The following ASMTL variants were observed in gnomAD, a reference collection of about 807,000 sequenced individuals.
ASMTL encodes the protein probable bifunctional dTTP/UTP pyrophosphatase/methyltransferase protein.
A neutral mutation model predicts 60.3 loss-of-function variants in ASMTL; 57 were observed. That is an observed-to-expected ratio of 0.95 (90% confidence interval 0.76 to 1.18). ASMTL has a LOEUF of 1.18. Ranked by LOEUF, ASMTL falls within the 50% of genes most tolerant of loss-of-function variation. The pLI is 0.00. For synonymous variants in ASMTL, 419 were observed against 373.0 expected, an observed-to-expected ratio of 1.12 and a Z score of -1.42; for missense variants, 981 against 852.6, an observed-to-expected ratio of 1.15 and a Z score of -1.88.
At chrX:1,433,361 G>A (rs1469367423) in intron 5 of ASMTL, among the ~76,000 whole-genome samples, 2 of 151,440 alleles carry the variant, frequency 1.3e-5, no homozygotes, top group Non-Finnish European at 2.9e-5. Flanking sequence ...CGTTAATCCT[G>A]GCCTTTTAAG....
At chrX:1,443,161 C>CCACCAT (rs1207531881) in intron 1 of ASMTL, among the ~76,000 whole-genome samples, 2 of 151,736 alleles carry the variant, frequency 1.3e-5, no homozygotes, top group South Asian at 2.1e-4. Context: ...TGGACACACA[C>CCACCAT]CGCCATCGTG....
chrX:1,439,499 G>A (rs757540604), intron 2 of ASMTL, among the ~76,000 whole-genome samples: 1 of 152,304 alleles, frequency 6.6e-6, no homozygotes, highest in African/African-American at 2.4e-5. Context: ...ACCTCCCTGA[G>A]TTACCCAGAA....
intron 1 of ASMTL, among the ~76,000 whole-genome samples, chrX:1,443,107 T>TCGTCGTGGACACACACTGC (rs1569534692): frequency 3.0e-5 from 2 of 67,164 alleles, no homozygotes; most frequent in East Asian, 7.8e-4. Context: ...ACACACACCG[T>TCGTCGTGGACACACACTGC]CGTCGTGGAC....
chrX:1,442,375 G>A, intron 1 of ASMTL, 58 bp from the exon 2 acceptor site: 1 of 1,598,600 alleles, frequency 6.3e-7, no homozygotes, highest in Non-Finnish European at 8.6e-7. Context: ...AAAAGTGAAT[G>A]GGACATGCAA....
chrX:1,433,484 T>G, intron 5 of ASMTL, among the ~76,000 whole-genome samples: 4 of 112,010 alleles, frequency 3.6e-5, no homozygotes, highest in African/African-American at 6.8e-5. Flanking sequence ...GCTACCACGG[T>G]GAAACCCCGT....
chrX:1,411,108 C>G (rs28722887), intron 12 of ASMTL, among the ~76,000 whole-genome samples: 131,227 of 151,708 alleles, frequency 0.86, 56,953 homozygotes, highest in Middle Eastern at 0.97. Context: ...CACTTGAACC[C>G]TGGGGGTGGA....
chrX:1,447,794 A>ACG (rs2091260875), intron 1 of ASMTL, among the ~76,000 whole-genome samples: 1 of 151,296 alleles, frequency 6.6e-6, no homozygotes, highest in African/African-American at 2.4e-5. Flanking sequence ...TTGGATAAGC[A>ACG]CCACCATCTT....
chrX:1,418,498 C>A (rs1249935695), intron 10 of ASMTL, among the ~76,000 whole-genome samples: 3 of 152,008 alleles, frequency 2.0e-5, no homozygotes, highest in Admixed American at 1.3e-4. Flanking sequence ...TCCTTCCTGC[C>A]ATGGGGATGC....
intron 11 of ASMTL, among the ~76,000 whole-genome samples, chrX:1,417,237 C>T (rs1214077476): frequency 6.7e-6 from 1 of 150,132 alleles, no homozygotes; most frequent in Non-Finnish European, 1.5e-5. Flanking sequence ...ACAACCACAG[C>T]AGTCACATAC....
intron 6 of ASMTL, 69 bp from the exon 7 acceptor site, chrX:1,428,190 C>T: frequency 2.6e-6 from 4 of 1,528,116 alleles, no homozygotes; most frequent in East Asian, 2.3e-5. Context: ...CATTTCACGG[C>T]TGGGAGGCGG....
In ASMTL at chrX:1,432,298, G is replaced by C. The variant is rs375479988; in HGVS notation, c.480C>G (p.Leu160=). The part of the protein sequence containing the change: ...VKFSELSEEL[L]WEYVHSGEPM... ...GCTCCCCGCTGTGGACGTATTCCCA[G>C]AGCAGCTCCTCGGACAGCTCCGAGA... Residue 160 remains leucine, a synonymous_variant, in exon 6 of 13, where the codon CTC becomes CTG. Coordinates refer to ENST00000381317, the MANE Select transcript of ASMTL (RefSeq NM_004192.4). 28 of 1,612,322 alleles carry C rather than the reference G, an allele frequency of 1.7e-5. 1 individual carries two copies. The highest frequency in any genetic ancestry group is 8.4e-5 in the Admixed American group (5 of 59,878).
At chrX:1,445,877 C>A (rs773975431) in intron 1 of ASMTL, among the ~76,000 whole-genome samples, 5 of 152,170 alleles carry the variant, frequency 3.3e-5, no homozygotes, top group Non-Finnish European at 2.9e-5. Context: ...AAGACGAGCG[C>A]GAGCCTTCTG....
chrX:1,443,107 T>TCGTCATGGACACACACCGC (rs2091144425), intron 1 of ASMTL, among the ~76,000 whole-genome samples: 1 of 67,164 alleles, frequency 1.5e-5, no homozygotes, highest in Non-Finnish European at 3.7e-5. Flanking sequence ...ACACACACCG[T>TCGTCATGGACACACACCGC]CGTCGTGGAC....
In ASMTL at chrX:1,425,795, C is replaced by T. The variant is rs2149311176; in HGVS notation, c.898-108G>A. 5.4e-6 allele frequency: 6 copies of T among 1,119,934 alleles called. No homozygotes were observed. The East Asian group carries it at 1.5e-4, about 28-fold the overall frequency. The allele number at this position is 1,119,934 out of a possible 1,614,324, so 69.4% of individuals were successfully genotyped here. A position where few individuals can be genotyped will look rare whatever the true frequency, so the allele number is the denominator to read the frequency against. ...ACGCTGTCGGAAGTATACAACTTGGCCATTGAGCCTTCTTTCACAGAGAAC... is the reference window on the plus strand; with the variant it reads ...ACGCTGTCGGAAGTATACAACTTGGTCATTGAGCCTTCTTTCACAGAGAAC... On this transcript the variant is annotated intron_variant, in intron 7 of 12. Coordinates refer to ENST00000381317, the MANE Select transcript of ASMTL (RefSeq NM_004192.4).
In ASMTL at chrX:1,422,151, G is replaced by A. The variant is rs183647290; in HGVS notation, c.1061-309C>T. Among the ~76,000 whole-genome samples, 169 of 152,212 alleles carry A rather than the reference G, an allele frequency of 1.1e-3. 1 individual carries two copies. The highest frequency in any genetic ancestry group is 3.8e-3 in the African/African-American group (159 of 41,532). On this transcript the variant is annotated intron_variant, in intron 8 of 12. Coordinates refer to ENST00000381317, the MANE Select transcript of ASMTL (RefSeq NM_004192.4). ...ATCCTTTCTTCATGATCGTGGCCAC[G>A]CTCAAGTTCCCAGTTATGCAGGCAA...
chrX:1,411,806 CTTTTTTTTTTTTTT>C (rs756437483), intron 12 of ASMTL, among the ~76,000 whole-genome samples: 13,217 of 87,568 alleles, frequency 0.15, 1,058 homozygotes, highest in Admixed American at 0.29. Flanking sequence ...TTAGGATTTT[CTTTTTTTTTTTTTT>C]TTTTTTTTTT....
intron 12 of ASMTL, among the ~76,000 whole-genome samples, chrX:1,404,725 AGATG>A (rs752563024): frequency 3.3e-4 from 47 of 144,534 alleles, no homozygotes; most frequent in African/African-American, 1.1e-3. Context: ...TGCATGGATG[AGATG>A]GATGGATGGG....
chrX:1,412,308 G>A (rs1437229229), intron 12 of ASMTL, among the ~76,000 whole-genome samples: 4 of 151,936 alleles, frequency 2.6e-5, no homozygotes, highest in Non-Finnish European at 4.4e-5. Context: ...GCTCACTGCA[G>A]TCTCCAGCTC....
intron 12 of ASMTL, among the ~76,000 whole-genome samples, chrX:1,403,871 C>CATGG (rs370052620): frequency 6.7e-6 from 1 of 150,076 alleles, no homozygotes; most frequent in Admixed American, 6.6e-5. Context: ...TGGGGAGGTA[C>CATGG]ATGGATGGAT....
Sources: gnomAD v4.1 joint callset for allele counts (sites outside exome capture counted in the v4.1 genomes callset) on GRCh38, gnomAD v4.1.1 for gene constraint, MANE v1.5 for transcripts, NCBI Gene and HGNC (gene_info 2026-07-23, HGNC 2026-07-21) for gene names.